The following CERKL variants were observed in gnomAD, a reference collection of about 807,000 sequenced individuals.
The protein encoded by CERKL is CERK like autophagy regulator.
A neutral mutation model predicts 63.4 loss-of-function variants in CERKL; 61 were observed. The ratio of observed to expected loss-of-function variants is 0.96; its 90% CI spans 0.78 to 1.19. CERKL has a LOEUF of 1.19. Ranked by LOEUF, CERKL falls within the 50% of genes most tolerant of loss-of-function variation. The pLI, the probability that CERKL is intolerant of heterozygous loss-of-function variation, is 0.00. For synonymous variants in CERKL, 250 were observed against 230.5 expected (o/e 1.08, Z -0.77); for missense variants, 675 against 655.5 (o/e 1.03, Z -0.33).
chr2:181,550,690 A>G lies in CERKL; in HGVS notation c.821-982T>C, dbSNP rs1009305265. Among the ~76,000 whole-genome samples, 2 of 152,146 alleles carry G rather than the reference A, an allele frequency of 1.3e-5. No individual in the cohort carries two copies. Among genetic ancestry groups the G allele is most frequent in the African/African-American group, 4.8e-5 (2 of 41,442 alleles). On this transcript the variant is annotated intron_variant, in intron 5 of 12. Coordinates refer to ENST00000410087, the MANE Select transcript of CERKL (RefSeq NM_201548.5). This position sits in a 1 kb window ranked among gnomAD's most constrained non-coding sequence, Gnocchi z 4.5. ...TATGTGATCATACATAATTGCTTCA[A>G]TTTGTGTTACTTTGAACTGATATGT... is the stretch of plus-strand genomic sequence containing the variant.
At chr2:181,626,391 C>G (rs190362308) in intron 1 of CERKL, among the ~76,000 whole-genome samples, 30 of 152,092 alleles carry the variant, frequency 2.0e-4, no homozygotes, top group Admixed American at 7.2e-4. Flanking sequence ...TGAGAAGGCA[C>G]AGGAAGGAAA....
chr2:181,631,986 A>G (rs1333784227), intron 1 of CERKL, among the ~76,000 whole-genome samples: 1 of 152,218 alleles, frequency 6.6e-6, no homozygotes, highest in African/African-American at 2.4e-5. Flanking sequence ...TATTTTGAGG[A>G]CAAATTTAAA....
intron 1 of CERKL, among the ~76,000 whole-genome samples, chr2:181,611,974 T>TA (rs1685986894): frequency 6.6e-6 from 1 of 152,188 alleles, no homozygotes; most frequent in South Asian, 2.1e-4. Context: ...TTCCATTCTC[T>TA]AAAAAATAAG....
intron 3 of CERKL, among the ~76,000 whole-genome samples, chr2:181,568,025 G>A (rs1032495778): frequency 7.9e-5 from 12 of 152,190 alleles, no homozygotes; most frequent in Non-Finnish European, 1.2e-4. Context: ...AATAGGAGAT[G>A]TGAAGCCTTC....
intron 2 of CERKL, among the ~76,000 whole-genome samples, chr2:181,579,248 C>T (rs1684395678): frequency 6.6e-6 from 1 of 150,776 alleles, no homozygotes; most frequent in Admixed American, 6.6e-5. Flanking sequence ...AATTTACACT[C>T]TACAAGGAAT....
intron 2 of CERKL, among the ~76,000 whole-genome samples, chr2:181,586,942 C>G (rs1026459217): frequency 1.1e-4 from 17 of 152,142 alleles, no homozygotes; most frequent in Non-Finnish European, 2.4e-4. Context: ...CACAGAAAAG[C>G]AACCAAGTTG....
chr2:181,599,590 C>T (rs1685373009), intron 2 of CERKL, among the ~76,000 whole-genome samples: 1 of 148,818 alleles, frequency 6.7e-6, no homozygotes. Context: ...CAACAGACTA[C>T]ACCAAGCAGA....
chr2:181,649,123 C>T (rs1260189396), intron 1 of CERKL, among the ~76,000 whole-genome samples: 1 of 152,014 alleles, frequency 6.6e-6, no homozygotes, highest in Non-Finnish European at 1.5e-5. Flanking sequence ...AAAGTAGCTG[C>T]AGGACTGGAA....
At chr2:181,601,744 T>A (rs1685468457) in intron 2 of CERKL, among the ~76,000 whole-genome samples, 1 of 152,190 alleles carries the variant, frequency 6.6e-6, no homozygotes, top group Non-Finnish European at 1.5e-5. Flanking sequence ...GGTGCAGAGA[T>A]GGAGCAGTAA....
At chr2:181,543,506 C>A (rs16867445) in intron 11 of CERKL, among the ~76,000 whole-genome samples, 1 of 152,002 alleles carries the variant, frequency 6.6e-6, no homozygotes, top group Non-Finnish European at 1.5e-5. Context: ...AATAATGTTA[C>A]TGACAGATCA....
chr2:181,566,884 A>G (rs1688690250), intron 3 of CERKL, among the ~76,000 whole-genome samples: 1 of 152,180 alleles, frequency 6.6e-6, no homozygotes, highest in Non-Finnish European at 1.5e-5. Context: ...GCCCAGCTGT[A>G]TCCACCCATC....
intron 1 of CERKL, among the ~76,000 whole-genome samples, chr2:181,620,508 A>T (rs1259646159): frequency 6.6e-6 from 1 of 152,228 alleles, no homozygotes; most frequent in East Asian, 1.9e-4. Context: ...AGATGACAAA[A>T]AAGTATTCAG....
At chr2:181,542,813 C>T (rs552322993) in intron 11 of CERKL, among the ~76,000 whole-genome samples, 94 of 152,170 alleles carry the variant, frequency 6.2e-4, no homozygotes, top group African/African-American at 2.1e-3. Flanking sequence ...GTCTTCCTAT[C>T]GATACAGATT....
chr2:181,558,808 A>C lies in CERKL; in HGVS notation c.678-100T>G. Reference sequence around the variant, plus strand: ...AAAATAGTTTACTAATTTGTAGTCTATGTGCATAACTGCTCACATGTACCT... The same window carrying C: ...AAAATAGTTTACTAATTTGTAGTCTCTGTGCATAACTGCTCACATGTACCT... On this transcript the variant is annotated intron_variant, in intron 4 of 12. Coordinates refer to ENST00000410087, the MANE Select transcript of CERKL (RefSeq NM_201548.5). This position sits in a 1 kb window ranked among gnomAD's most constrained non-coding sequence, Gnocchi z 4.2. 1 of 1,221,032 alleles carries C rather than the reference A, an allele frequency of 8.2e-7. No homozygotes were observed. The highest frequency in any genetic ancestry group is 1.2e-6 in the Non-Finnish European group (1 of 842,016). The allele number at this position is 1,221,032 out of a possible 1,614,324, so 75.6% of individuals were successfully genotyped here.
intron 1 of CERKL, among the ~76,000 whole-genome samples, chr2:181,652,810 C>G (rs1406132559): frequency 6.7e-6 from 1 of 149,830 alleles, no homozygotes; most frequent in Non-Finnish European, 1.5e-5. Context: ...AAGTCTCACT[C>G]TGTTACCAGG....
In CERKL at chr2:181,539,259, A is replaced by G. The variant is rs769488142; in HGVS notation, c.1371T>C (p.Asn457=). The G allele has an allele frequency of 6.3e-7, 1 of 1,578,184 alleles. No homozygotes were observed. Among genetic ancestry groups the G allele is most frequent in the Non-Finnish European group, 8.7e-7 (1 of 1,147,870 alleles). The change falls in exon 12 of 13, where the codon AAT becomes AAC. Residue 457 remains asparagine (N), a synonymous_variant. Transcript: ENST00000410087. ...CAGTGTAAGTCTCAACAAATGGAAA[A>G]TTGAACTAAAAATAAATACAAATAA... The part of the protein sequence containing the change: ...KRYASVKNQF[N]FPFVETYTVE...
chr2:181,587,878 G>C (rs1041277552), intron 2 of CERKL, among the ~76,000 whole-genome samples: 4 of 151,794 alleles, frequency 2.6e-5, no homozygotes, highest in Non-Finnish European at 5.9e-5. Flanking sequence ...TATTTGCAGG[G>C]CCTCCAAAAA....
At chr2:181,547,028 T>G (rs977021628) in intron 10 of CERKL, among the ~76,000 whole-genome samples, 1 of 152,140 alleles carries the variant, frequency 6.6e-6, no homozygotes, top group African/African-American at 2.4e-5. Flanking sequence ...TGAGATCTAA[T>G]GGTTTTAAAA....
chr2:181,621,303 T>A (rs1242377533), intron 1 of CERKL, among the ~76,000 whole-genome samples: 1 of 152,194 alleles, frequency 6.6e-6, no homozygotes, highest in African/African-American at 2.4e-5. Flanking sequence ...TAATAAAAAC[T>A]TTAAATTTTA....
Sources: gnomAD v4.1 joint callset for allele counts (sites outside exome capture counted in the v4.1 genomes callset) on GRCh38, gnomAD v4.1.1 for gene constraint, Gnocchi (gnomAD v3.1) non-coding constraint, MANE v1.5 for transcripts, NCBI Gene and HGNC (gene_info 2026-07-23, HGNC 2026-07-21) for gene names.